PAX7: variants seen among roughly 807,000 people sequenced by gnomAD.
The protein encoded by PAX7 is paired box protein Pax-7.
In PAX7, 18 loss-of-function variants were observed where a neutral mutation model predicts 50.7. The ratio of observed to expected loss-of-function variants is 0.36; its 90% CI spans 0.25 to 0.53. The LOEUF (loss-of-function observed/expected upper bound fraction) is 0.53, where lower values mean the gene tolerates loss of function less well. Ranked by LOEUF, PAX7 falls within the 20% of genes least tolerant of loss-of-function variation. PAX7 has a pLI of 0.93. For missense variants in PAX7, 644 were observed against 702.9 expected (o/e 0.92, Z 0.95); for synonymous variants, 310 against 290.4 (o/e 1.07, Z -0.69).
intron 4 of PAX7, among the ~76,000 whole-genome samples, chr1:18,672,553 T>C (rs2789340): frequency 0.44 from 66,825 of 150,314 alleles, 17,464 homozygotes; most frequent in African/African-American, 0.72. Context: ...TCAGATGCAG[T>C]GTCCCCTCCT....
intron 8 of PAX7, among the ~76,000 whole-genome samples, chr1:18,741,718 G>A (rs529643606): frequency 3.9e-5 from 6 of 152,360 alleles, no homozygotes; most frequent in South Asian, 2.1e-4. Flanking sequence ...CTGTGACTCC[G>A]GGAAAGTGTC....
intron 7 of PAX7, among the ~76,000 whole-genome samples, chr1:18,721,902 C>G (rs1449745649): frequency 3.3e-5 from 5 of 152,140 alleles, no homozygotes; most frequent in African/African-American, 1.2e-4. Flanking sequence ...AGATGGGGAT[C>G]AAGGTTGGAG....
Position 18,726,071 on chromosome 1 carries a change from A to G in PAX7, c.1156-9561A>G, listed in dbSNP as rs1235401238. ...CTTTGACTTCTTGGACAATAAGTGG[A>G]ATGCCATTCTGTTCCTCCCTCCGCC... On this transcript the variant is annotated intron_variant, in intron 7 of 8. Coordinates refer to ENST00000420770, the MANE Select transcript of PAX7 (RefSeq NM_001135254.2). The surrounding 1 kb of genome is among the most constrained non-coding windows in gnomAD (Gnocchi z 4.8). Among the ~76,000 whole-genome samples the G allele has an allele frequency of 6.6e-6, 1 of 150,634 alleles. No homozygotes were observed. The highest frequency in any genetic ancestry group is 1.5e-5 in the Non-Finnish European group (1 of 67,802).
chr1:18,692,237 G>A (rs1356195008), intron 5 of PAX7, among the ~76,000 whole-genome samples: 1 of 152,150 alleles, frequency 6.6e-6, no homozygotes, highest in Non-Finnish European at 1.5e-5. Context: ...AAGGACAAAA[G>A]AAGGAATGAA....
At chr1:18,666,191 G>T (rs1004690238) in intron 4 of PAX7, among the ~76,000 whole-genome samples, 1 of 152,188 alleles carries the variant, frequency 6.6e-6, no homozygotes, top group Non-Finnish European at 1.5e-5. Flanking sequence ...TAGTTCATTT[G>T]CACCTCCTTT....
At chr1:18,673,507 A>C (rs2088782714) in intron 4 of PAX7, among the ~76,000 whole-genome samples, 1 of 152,236 alleles carries the variant, frequency 6.6e-6, no homozygotes, top group African/African-American at 2.4e-5. Flanking sequence ...ATGGTTGGCC[A>C]CATTTTTGGA....
chr1:18,715,250 G>A (rs1407497855), intron 7 of PAX7, among the ~76,000 whole-genome samples: 1 of 152,180 alleles, frequency 6.6e-6, no homozygotes, highest in Middle Eastern at 3.2e-3. Flanking sequence ...CTTTCCTTCA[G>A]GACACCCCCC....
rs909996187 is a variant in PAX7 at position 18,748,152 on chromosome 1, G to C, written c.*3223G>C. On this transcript the variant is annotated 3_prime_UTR_variant, in exon 9 of 9. Coordinates refer to ENST00000420770, the MANE Select transcript of PAX7 (RefSeq NM_001135254.2). The stretch of plus-strand genomic sequence containing the variant: ...AAAAGAAGAATGGAGAGAGAGGTTT[G>C]CCCAGAAGGAAAACGAAGAGCCAGA... 2 of 220,714 alleles carry C rather than the reference G, an allele frequency of 9.1e-6. No individual in the cohort carries two copies. The highest frequency in any genetic ancestry group is 4.5e-5 in the African/African-American group (2 of 44,684). The allele number at this position is 220,714 out of a possible 1,614,324, so 13.7% of individuals were successfully genotyped here.
chr1:18,634,506 C>G lies in PAX7; in HGVS notation c.289C>G (p.Arg97Gly), dbSNP rs148832029. 6.2e-7 allele frequency: 1 copy of G among 1,614,040 alleles called. No homozygotes were observed. The highest frequency in any genetic ancestry group is 1.1e-5 in the South Asian group (1 of 91,076). Residue 97 changes from arginine to glycine, a missense_variant, in exon 2 of 9, where the codon CGG becomes GGG. Physicochemically the swap from Arg to Gly is moderately radical, Grantham distance 125 (BLOSUM62 -2). Coordinates refer to ENST00000420770, the MANE Select transcript of PAX7 (RefSeq NM_001135254.2). This position sits in a 1 kb window ranked among gnomAD's most constrained non-coding sequence, Gnocchi z 4.0. The stretch of plus-strand genomic sequence containing the variant: ...CCGCTACCAGGAGACCGGGTCCATC[C>G]GGCCTGGGGCCATCGGCGGCAGCAA... Reference protein sequence around the residue: ...LCRYQETGSIRPGAIGGSKPR... With the variant: ...LCRYQETGSIGPGAIGGSKPR...
chr1:18,701,693 C>T (rs141028443), intron 6 of PAX7, among the ~76,000 whole-genome samples: 2 of 152,188 alleles, frequency 1.3e-5, no homozygotes, highest in Non-Finnish European at 2.9e-5. Flanking sequence ...GGATTCCCCC[C>T]ACTCTGGGGT....
In PAX7 at chr1:18,735,856, T is replaced by TCAGTACGGC. The variant is rs770352181; in HGVS notation, c.1393_1401dup (p.Tyr465_Gln467dup). ...ACAGCGTGGACCCCGTGGCCGGCTA[T>TCAGTACGGC]CAGTACGGCCAGTACGGCCAGAGTG... On this transcript the variant is annotated inframe_insertion, in exon 8 of 9. Coordinates refer to ENST00000420770, the MANE Select transcript of PAX7 (RefSeq NM_001135254.2). The surrounding 1 kb of genome is among the most constrained non-coding windows in gnomAD (Gnocchi z 4.0). The TCAGTACGGC allele has an allele frequency of 5.6e-6, 9 of 1,614,102 alleles. No homozygotes were observed. The highest frequency in any genetic ancestry group is 7.6e-6 in the Non-Finnish European group (9 of 1,180,012).
intron 7 of PAX7, among the ~76,000 whole-genome samples, chr1:18,718,171 C>A (rs955993308): frequency 6.6e-6 from 1 of 152,336 alleles, no homozygotes; most frequent in South Asian, 2.1e-4. Context: ...AGGAGGCACA[C>A]GTCCTGTGGA....
At chr1:18,717,850 G>A (rs967979420) in intron 7 of PAX7, among the ~76,000 whole-genome samples, 21 of 152,210 alleles carry the variant, frequency 1.4e-4, no homozygotes, top group Non-Finnish European at 2.9e-4. Context: ...CCACAGACAA[G>A]CAAGTGACAA....
intron 4 of PAX7, among the ~76,000 whole-genome samples, chr1:18,682,913 T>G (rs553161710): frequency 6.6e-6 from 1 of 152,254 alleles, no homozygotes; most frequent in Non-Finnish European, 1.5e-5. Flanking sequence ...GTACCCTCAC[T>G]CAATCCCCTT....
intron 4 of PAX7, among the ~76,000 whole-genome samples, chr1:18,645,131 A>AGT (rs1175660951): frequency 4.6e-5 from 7 of 152,002 alleles, no homozygotes; most frequent in Admixed American, 4.6e-4. Context: ...ATGGTGTGTG[A>AGT]GTGTGTGTGC....
rs377143810 is a variant in PAX7, at chr1:18,635,548, AAGC to A, written c.451+311_451+313del. Among the ~76,000 whole-genome samples the A allele has an allele frequency of 2.1e-3, 324 of 151,896 alleles. 2 individuals carry two copies. Among genetic ancestry groups the A allele is most frequent in the African/African-American group, 7.6e-3 (313 of 41,424 alleles). On this transcript the variant is annotated intron_variant, in intron 3 of 8. Coordinates refer to ENST00000420770, the MANE Select transcript of PAX7 (RefSeq NM_001135254.2). ...AAGGAAAGAAGGAAGGAAGGAAGGA[AAGC>A]AGGCAGGCAGGTGGGCAGGCAGGAA...
intron 6 of PAX7, among the ~76,000 whole-genome samples, chr1:18,702,486 T>C (rs2100325689): frequency 6.6e-6 from 1 of 152,208 alleles, no homozygotes; most frequent in East Asian, 1.9e-4. Context: ...TGAACCAGTG[T>C]TGAGGGTCCC....
rs1050361147 is a variant in PAX7 at position 18,634,008 on chromosome 1, C to T, written c.86-295C>T. On this transcript the variant is annotated intron_variant, in intron 1 of 8. Transcript: ENST00000420770. The surrounding 1 kb of genome is among the most constrained non-coding windows in gnomAD (Gnocchi z 4.0). The stretch of plus-strand genomic sequence containing the variant: ...CTCCCCTTCTTAGCAGCATTCGAAT[C>T]CCCCAGGTGTGTCCTCATCCCTCGT... Among the ~76,000 whole-genome samples the T allele has an allele frequency of 6.6e-6, 1 of 152,222 alleles. No homozygotes were observed. The highest frequency in any genetic ancestry group is 1.5e-5 in the Non-Finnish European group (1 of 68,040).
intron 4 of PAX7, among the ~76,000 whole-genome samples, chr1:18,689,638 T>A (rs1053874735): frequency 6.6e-6 from 1 of 152,040 alleles, no homozygotes; most frequent in Non-Finnish European, 1.5e-5. Context: ...TGGAAGGAAG[T>A]GGGCCCAGGG....
Sources: gnomAD v4.1 joint callset for allele counts (sites outside exome capture counted in the v4.1 genomes callset) on GRCh38, gnomAD v4.1.1 for gene constraint, Gnocchi (gnomAD v3.1) non-coding constraint, MANE v1.5 for transcripts, NCBI Gene and HGNC (gene_info 2026-07-23, HGNC 2026-07-21) for gene names.